Variants in DNAJC1 observed in about 807,000 individuals in gnomAD.
The protein encoded by DNAJC1 is dnaJ homolog subfamily C member 1.
In DNAJC1, 58 loss-of-function variants were observed where a neutral mutation model predicts 76.6. That is an observed-to-expected ratio of 0.76 (90% CI 0.61 to 0.94). DNAJC1 has a LOEUF of 0.94. Ranked by LOEUF, DNAJC1 falls within the 40% of genes least tolerant of loss-of-function variation. DNAJC1 has a pLI of 0.00. For synonymous variants in DNAJC1, 258 were observed against 267.9 expected (o/e 0.96, Z 0.36); for missense variants, 689 against 677.3 (o/e 1.02, Z -0.19).
chr10:21,886,459 C>T (rs1836367415), intron 7 of DNAJC1, among the ~76,000 whole-genome samples: 1 of 152,090 alleles, frequency 6.6e-6, no homozygotes, highest in Non-Finnish European at 1.5e-5. Context: ...GGAGGAAGGA[C>T]TCCTCCCAAA....
chr10:21,815,137 T>C (rs1239752235), intron 8 of DNAJC1, among the ~76,000 whole-genome samples: 1 of 152,138 alleles, frequency 6.6e-6, no homozygotes, highest in Non-Finnish European at 1.5e-5. Flanking sequence ...CTCATATAAA[T>C]CATGGGTAGC....
chr10:21,759,798 T>G (rs1834220283), intron 10 of DNAJC1, among the ~76,000 whole-genome samples, 180 bp from the exon 11 acceptor site: 1 of 152,196 alleles, frequency 6.6e-6, no homozygotes, highest in Admixed American at 6.5e-5. Context: ...ATGTTACAGA[T>G]GAGAAAAAGA....
intron 6 of DNAJC1, among the ~76,000 whole-genome samples, chr10:21,910,115 C>CT (rs11362698): frequency 3.8e-4 from 55 of 146,122 alleles, no homozygotes; most frequent in Middle Eastern, 3.5e-3. Flanking sequence ...TACATTAAAC[C>CT]TTTTTTTTTT....
chr10:21,777,240 T>C (rs753954654), intron 9 of DNAJC1, among the ~76,000 whole-genome samples: 4 of 152,186 alleles, frequency 2.6e-5, no homozygotes, highest in Admixed American at 6.5e-5. Context: ...AGGGCTCTGA[T>C]GAGTAAGTAC....
At chr10:21,901,487 A>C (rs1031512835) in intron 7 of DNAJC1, among the ~76,000 whole-genome samples, 2 of 152,204 alleles carry the variant, frequency 1.3e-5, no homozygotes, top group African/African-American at 4.8e-5. Context: ...ATTTAAACCT[A>C]AACCACAAAA....
intron 1 of DNAJC1, among the ~76,000 whole-genome samples, chr10:21,972,535 C>T (rs553200786): frequency 6.6e-6 from 1 of 151,772 alleles, no homozygotes; most frequent in African/African-American, 2.4e-5. Context: ...TTTGAACATG[C>T]AATTAATTTA....
chr10:21,817,642 A>G (rs1439429734), intron 8 of DNAJC1, among the ~76,000 whole-genome samples: 1 of 152,234 alleles, frequency 6.6e-6, no homozygotes, highest in Admixed American at 6.5e-5. Flanking sequence ...TGTATTCTGC[A>G]AAAAAATTTA....
chr10:21,766,751 A>G (rs1442811976), intron 9 of DNAJC1, among the ~76,000 whole-genome samples: 1 of 152,088 alleles, frequency 6.6e-6, no homozygotes, highest in African/African-American at 2.4e-5. Flanking sequence ...TGGGTGGATC[A>G]CTTGAGGTCA....
chr10:21,891,048 G>C (rs951457719), intron 7 of DNAJC1, among the ~76,000 whole-genome samples: 6 of 152,068 alleles, frequency 3.9e-5, no homozygotes, highest in Admixed American at 3.9e-4. Context: ...AAATTAGCCA[G>C]CTGTGGTAGT....
intron 1 of DNAJC1, among the ~76,000 whole-genome samples, chr10:21,964,624 T>C (rs1015558326): frequency 1.3e-5 from 2 of 152,098 alleles, no homozygotes; most frequent in African/African-American, 4.8e-5. Flanking sequence ...TATTCAACGT[T>C]ACATCTCAAA....
chr10:21,988,472 T>C (rs1419521035), intron 1 of DNAJC1, among the ~76,000 whole-genome samples: 2 of 152,144 alleles, frequency 1.3e-5, no homozygotes, highest in African/African-American at 4.8e-5. Flanking sequence ...TATCTTCTCT[T>C]ATAAATTTGA....
chr10:21,882,438 T>C lies in DNAJC1; in HGVS notation c.822A>G (p.Lys274=), dbSNP rs1836298290. The C allele has an allele frequency of 1.4e-6, 2 of 1,479,478 alleles. No homozygotes were observed. The highest frequency in any genetic ancestry group is 1.8e-6 in the Non-Finnish European group (2 of 1,112,652). The allele number at this position is 1,479,478 out of a possible 1,614,324, so 91.6% of individuals were successfully genotyped here. A position where few individuals can be genotyped will look rare whatever the true frequency, so the allele number is the denominator to read the frequency against. ...GTTTTGGTTTTTTAACTTTCTTCTG[T>C]TCTAAAAAATGTTTAAAAGAACCAA... ...LTRTELETLQ[K]QKKVKKPKPE... Residue 274 remains lysine, a splice_region_variant and synonymous_variant, in exon 8 of 12, where the codon AAA becomes AAG. Coordinates refer to ENST00000376980, the MANE Select transcript of DNAJC1 (RefSeq NM_022365.4).
intron 1 of DNAJC1, among the ~76,000 whole-genome samples, chr10:21,979,774 T>C (rs957394445): frequency 2.6e-5 from 4 of 151,668 alleles, no homozygotes; most frequent in Admixed American, 6.6e-5. Flanking sequence ...GTACAATGGA[T>C]AAAACGATTA....
chr10:21,834,471 G>A (rs1409219937), intron 8 of DNAJC1, among the ~76,000 whole-genome samples: 2 of 152,172 alleles, frequency 1.3e-5, no homozygotes, highest in South Asian at 2.1e-4. Context: ...CAGACAGTAG[G>A]TGCAGGACAG....
intron 8 of DNAJC1, among the ~76,000 whole-genome samples, chr10:21,858,410 A>G (rs1384531642): frequency 6.6e-6 from 1 of 152,236 alleles, no homozygotes; most frequent in Non-Finnish European, 1.5e-5. Flanking sequence ...AAACGACCAG[A>G]ATGCCATTTA....
At chr10:21,794,078 C>T (rs1318643042) in intron 9 of DNAJC1, among the ~76,000 whole-genome samples, 1 of 152,006 alleles carries the variant, frequency 6.6e-6, no homozygotes, top group South Asian at 2.1e-4. Flanking sequence ...AGTTTGAGAC[C>T]AGCCTTGGCA....
chr10:21,992,759 G>C (rs1012007612), intron 1 of DNAJC1, among the ~76,000 whole-genome samples: 3 of 151,966 alleles, frequency 2.0e-5, no homozygotes, highest in Non-Finnish European at 4.4e-5. Context: ...TTATCCCTTA[G>C]TGTCACAAAA....
chr10:21,789,412 G>A (rs889762903), intron 9 of DNAJC1, among the ~76,000 whole-genome samples: 2 of 152,138 alleles, frequency 1.3e-5, no homozygotes, highest in Non-Finnish European at 2.9e-5. Context: ...TAGAAAGTTT[G>A]GAAGAGGCTA....
chr10:21,782,028 A>G (rs575542435), intron 9 of DNAJC1, among the ~76,000 whole-genome samples: 2 of 152,204 alleles, frequency 1.3e-5, no homozygotes, highest in South Asian at 2.1e-4. Context: ...GCAGAAGGCA[A>G]GAAATAACTA....
Sources: allele counts gnomAD v4.1 joint callset (sites outside exome capture counted in the v4.1 genomes callset), GRCh38; gene constraint gnomAD v4.1.1; transcripts MANE v1.5; gene names NCBI Gene and HGNC (gene_info 2026-07-23, HGNC 2026-07-21).